Variants in VTA1 observed in about 807,000 individuals in gnomAD.
The protein encoded by VTA1 is vesicle trafficking 1, also known as vacuolar protein sorting-associated protein VTA1 homolog.
A neutral mutation model predicts 36.9 loss-of-function variants in VTA1; 24 were observed. The ratio of observed to expected loss-of-function variants is 0.65; its 90% CI spans 0.47 to 0.91. The LOEUF (loss-of-function observed/expected upper bound fraction) is 0.91. VTA1 is among the 40% of genes least tolerant of loss of function. The pLI is 0.00. For missense variants in VTA1, 393 were observed against 377.2 expected (o/e 1.04, Z -0.35); for synonymous variants, 142 against 130.2 (o/e 1.09, Z -0.62).
chr6:142,147,483 C>T (rs1348412158), intron 1 of VTA1, 84 bp downstream of exon 1: 3 of 1,354,868 alleles, frequency 2.2e-6, no homozygotes, highest in Non-Finnish European at 3.1e-6. Context: ...TTGGGGCATG[C>T]CCCGCCCCCC....
chr6:142,207,466 G>A (rs1775815866), intron 7 of VTA1, among the ~76,000 whole-genome samples: 1 of 152,052 alleles, frequency 6.6e-6, no homozygotes, highest in African/African-American at 2.4e-5. Context: ...CCATGCTGTA[G>A]GAGGTACATT....
At position 142,221,692 on chromosome 6, in the gene VTA1, A is replaced by T. The variant is rs1448631175; in HGVS notation, c.*3049A>T. ...CAATAGGCCGGGGGCGGTGGTTCGC[A>T]CCTGCAATCCCAGCACTTTGGGAGC... On this transcript the variant is annotated 3_prime_UTR_variant, in exon 8 of 8. Transcript: ENST00000367630. 1 of 151,596 alleles carries T rather than the reference A, an allele frequency of 6.6e-6. No individual in the cohort carries two copies. Among genetic ancestry groups the T allele is most frequent in the Non-Finnish European group, 1.5e-5 (1 of 67,926 alleles). 9.4% of individuals were successfully genotyped at this position (151,596 alleles called of 1,614,324 possible).
intron 6 of VTA1, among the ~76,000 whole-genome samples, chr6:142,201,591 A>G (rs1775685768): frequency 6.6e-6 from 1 of 151,954 alleles, no homozygotes; most frequent in South Asian, 2.1e-4. Context: ...TTAGTAATAA[A>G]GCTAGATTAA....
rs773218661 is a variant in VTA1 at position 142,218,633 on chromosome 6, G to A, written c.914G>A (p.Gly305Asp). 3.1e-6 allele frequency: 5 copies of A among 1,609,626 alleles called. No individual in the cohort carries two copies. ...AAGGCTCTCAAGTTACTGACGACAG[G>A]CAGAGAATGAAGCCTTTGTATGACA... ...LQKALKLLTT[G>D]RE Residue 305 changes from glycine (G) to aspartate (D), a missense_variant, in exon 8 of 8, where the codon GGC (glycine) becomes GAC (aspartate). Coordinates refer to ENST00000367630, the MANE Select transcript of VTA1 (RefSeq NM_016485.5).
chr6:142,217,052 A>C (rs1776016550), intron 7 of VTA1, among the ~76,000 whole-genome samples: 1 of 152,178 alleles, frequency 6.6e-6, no homozygotes, highest in Non-Finnish European at 1.5e-5. Flanking sequence ...AGCATACCTG[A>C]CTAAATTGTC....
chr6:142,160,016 C>A (rs1443630405), intron 1 of VTA1, among the ~76,000 whole-genome samples: 2 of 152,126 alleles, frequency 1.3e-5, no homozygotes, highest in African/African-American at 4.8e-5. Context: ...ATTTTCCTAT[C>A]TGTTGGCCTC....
chr6:142,150,223 G>T (rs1467714098), intron 1 of VTA1, among the ~76,000 whole-genome samples: 3 of 152,064 alleles, frequency 2.0e-5, no homozygotes, highest in Non-Finnish European at 4.4e-5. Context: ...ATATTTGTGG[G>T]CCTGATTCTG....
chr6:142,154,632 T>A (rs550737078), intron 1 of VTA1, among the ~76,000 whole-genome samples: 1 of 152,218 alleles, frequency 6.6e-6, no homozygotes, highest in East Asian at 1.9e-4. Context: ...CTCACCAGCA[T>A]TTTGTGTCAC....
Position 142,223,957 on chromosome 6 carries a change from G to A in VTA1, c.*5314G>A, listed in dbSNP as rs1394947682. The A allele has an allele frequency of 1.3e-5, 2 of 151,800 alleles. No individual in the cohort carries two copies. Among genetic ancestry groups the A allele is most frequent in the South Asian group, 2.1e-4 (1 of 4,816 alleles). The allele number at this position is 151,800 out of a possible 1,614,324, so 9.4% of individuals were successfully genotyped here. ...CATATGGCCTATGGAGGCCAGGAGT[G>A]TAAATGTATTATGGCTGGGGCGGGG... is the stretch of plus-strand genomic sequence containing the variant. On this transcript the variant is annotated 3_prime_UTR_variant, in exon 8 of 8. Coordinates refer to ENST00000367630, the MANE Select transcript of VTA1 (RefSeq NM_016485.5).
intron 1 of VTA1, among the ~76,000 whole-genome samples, chr6:142,152,896 A>G (rs1778594749): frequency 6.6e-6 from 1 of 152,124 alleles, no homozygotes; most frequent in South Asian, 2.1e-4. Flanking sequence ...TAAAAGCTCC[A>G]TGGGCTATGT....
rs924530881 is a variant in VTA1, at chr6:142,218,350, T to C, written c.779-148T>C. ...AGACAATTGAAAAGAATGAAGAAAA[T>C]GTATCAAAGTTCATGTGAGATTGAC... is the stretch of plus-strand genomic sequence containing the variant. On this transcript the variant is annotated intron_variant, in intron 7 of 7. Transcript: ENST00000367630. 6.6e-6 allele frequency: 5 copies of C among 754,968 alleles called. No individual in the cohort carries two copies. The East Asian group carries it at 1.2e-4, about 18-fold the overall frequency. 46.8% of individuals were successfully genotyped at this position (754,968 alleles called of 1,614,324 possible). A position where few individuals can be genotyped will look rare whatever the true frequency, so the allele number is the denominator to read the frequency against.
chr6:142,215,168 G>A (rs1227926895), intron 7 of VTA1, among the ~76,000 whole-genome samples: 1 of 152,166 alleles, frequency 6.6e-6, no homozygotes, highest in African/African-American at 2.4e-5. Flanking sequence ...GCCAGGCGCG[G>A]TGGCACACGC....
At chr6:142,173,993 C>T (rs934077686) in intron 4 of VTA1, among the ~76,000 whole-genome samples, 4 of 152,258 alleles carry the variant, frequency 2.6e-5, no homozygotes, top group South Asian at 2.1e-4. Context: ...TGCACTGGTG[C>T]TAGAATAAAG....
chr6:142,177,193 C>T (rs367621159), intron 4 of VTA1, among the ~76,000 whole-genome samples: 44 of 152,244 alleles, frequency 2.9e-4, no homozygotes, highest in African/African-American at 1.0e-3. Flanking sequence ...GTGTCTTGTA[C>T]TCACTTGTAT....
intron 4 of VTA1, among the ~76,000 whole-genome samples, chr6:142,175,237 T>C (rs1775097394): frequency 6.6e-6 from 1 of 152,160 alleles, no homozygotes. Flanking sequence ...CTTCTGTCAT[T>C]GAAGAACCTA....
rs541725891 is a variant in VTA1 at position 142,198,515 on chromosome 6, T to A, written c.597T>A (p.Tyr199Ter). ...QPTQPSSSST[Y>*]DPSNMPSGNY... is the part of the protein sequence containing the mutation. ...CTCAGCCATCATCATCTTCAACTTA[T>A]GACCCAAGCAACATGCCATCAGGCA... is the stretch of plus-strand genomic sequence containing the variant. The change falls in exon 6 of 8, where the codon TAT (tyrosine) becomes TAA (stop). Residue 199 changes from tyrosine to a stop codon, truncating the protein, a stop_gained. Coordinates refer to ENST00000367630, the MANE Select transcript of VTA1 (RefSeq NM_016485.5). LOFTEE classifies it high-confidence loss of function. The A allele has an allele frequency of 6.2e-7, 1 of 1,614,068 alleles. No individual in the cohort carries two copies.
At chr6:142,157,329 T>C (rs10485027) in intron 1 of VTA1, among the ~76,000 whole-genome samples, 7,844 of 152,312 alleles carry the variant, frequency 0.051, 268 homozygotes, top group Admixed American at 0.079. Context: ...GTCTATAGTC[T>C]TATTGCTTGA....
At chr6:142,211,853 G>A (rs2114686553) in intron 7 of VTA1, among the ~76,000 whole-genome samples, 1 of 152,162 alleles carries the variant, frequency 6.6e-6, no homozygotes. Flanking sequence ...TTAAAAATTA[G>A]CAAAAGGCCT....
At chr6:142,206,277 G>A (rs539558293) in intron 7 of VTA1, among the ~76,000 whole-genome samples, 1 of 152,172 alleles carries the variant, frequency 6.6e-6, no homozygotes, top group African/African-American at 2.4e-5. Context: ...CAAAACAAGT[G>A]GGATTTGAAA....
Sources: allele counts gnomAD v4.1 joint callset (sites outside exome capture counted in the v4.1 genomes callset), GRCh38; gene constraint gnomAD v4.1.1; transcripts MANE v1.5; gene names NCBI Gene and HGNC (gene_info 2026-07-23, HGNC 2026-07-21).